TP53BP2: variants seen among roughly 807,000 people sequenced by gnomAD.
TP53BP2 encodes apoptosis-stimulating of p53 protein 2.
In TP53BP2, 62 loss-of-function variants were observed where a neutral mutation model predicts 126.2. The observed-to-expected ratio is 0.49, with a 90% CI of 0.40 to 0.61. The LOEUF (loss-of-function observed/expected upper bound fraction) is 0.61, where lower values mean the gene tolerates loss of function less well. TP53BP2 is among the 20% of genes least tolerant of loss of function. The pLI is 0.00. For missense variants in TP53BP2, 1,215 were observed against 1,402.8 expected (o/e 0.87, Z 2.14); for synonymous variants, 485 against 502.9 (o/e 0.96, Z 0.48).
Position 223,798,531 on chromosome 1 carries a change from CG to C in TP53BP2, c.1631del (p.Pro544ArgfsTer94), listed in dbSNP as rs1186066904. 1 of 1,614,134 alleles carries C rather than the reference CG, an allele frequency of 6.2e-7. No individual in the cohort carries two copies. The highest frequency in any genetic ancestry group is 2.2e-5 in the East Asian group (1 of 44,892). On this transcript the variant is annotated frameshift_variant, in exon 12 of 18. Coordinates refer to ENST00000343537, the MANE Select transcript of TP53BP2 (RefSeq NM_001031685.3). LOFTEE classifies it high-confidence loss of function. ...GSSQQLSTVV[P>X]SMGTKPKPAG... ...CTGGTTTTGGTTTAGTTCCCATGGA[CG>C]GAACAACTGTTGACAACTGCTGAGA...
rs559108642 is a variant in TP53BP2, at chr1:223,780,601, T to C, written c.*252A>G. On this transcript the variant is annotated 3_prime_UTR_variant, in exon 18 of 18. Transcript: ENST00000343537. The stretch of plus-strand genomic sequence containing the variant: ...AAACAGGATTGTCGCTGTATACTTA[T>C]CTGAGTGCTACACGGGACACCTTTG... The C allele has an allele frequency of 8.6e-6, 4 of 466,526 alleles. No individual in the cohort carries two copies. In the South Asian group the frequency reaches 1.3e-4, roughly 15 times the overall value. 28.9% of individuals were successfully genotyped at this position (466,526 alleles called of 1,614,324 possible).
rs925598749 is a variant in TP53BP2 at position 223,789,987 on chromosome 1, TGAAAAAAAAATTTAGACCAG to T, written c.2997-833_2997-814del. Among the ~76,000 whole-genome samples, 12 of 152,078 alleles carry T rather than the reference TGAAAAAAAAATTTAGACCAG, an allele frequency of 7.9e-5. 1 individual carries two copies. The highest frequency in any genetic ancestry group is 1.8e-4 in the Non-Finnish European group (12 of 67,966). ...TTTATTCTCCTTGGGTATACAGACT[TGAAAAAAAAATTTAGACCAG>T]GCGCAGTGGCTCCCAGCACTTTGGG... On this transcript the variant is annotated intron_variant, in intron 15 of 17. Coordinates refer to ENST00000343537, the MANE Select transcript of TP53BP2 (RefSeq NM_001031685.3).
chr1:223,800,094 G>GT (rs756765112), intron 10 of TP53BP2, 47 bp from the exon 11 acceptor site: 1 of 1,528,640 alleles, frequency 6.5e-7, no homozygotes, highest in East Asian at 2.3e-5. Flanking sequence ...TTAGAATAAA[G>GT]TATCTCATTC....
chr1:223,813,556 C>T (rs1662985763), intron 3 of TP53BP2, among the ~76,000 whole-genome samples: 1 of 152,168 alleles, frequency 6.6e-6, no homozygotes, highest in Non-Finnish European at 1.5e-5. Flanking sequence ...TCTCCCCTGT[C>T]CCACTGAACT....
chr1:223,802,352 A>G lies in TP53BP2; in HGVS notation c.997-8T>C, dbSNP rs1019024769. The G allele has an allele frequency of 6.2e-7, 1 of 1,613,122 alleles. No individual in the cohort carries two copies. Among genetic ancestry groups the G allele is most frequent in the African/African-American group, 1.3e-5 (1 of 75,004 alleles). On this transcript the variant is annotated splice_region_variant and splice_polypyrimidine_tract_variant and intron_variant, in intron 8 of 17. Coordinates refer to ENST00000343537, the MANE Select transcript of TP53BP2 (RefSeq NM_001031685.3). ...ATTTCCATCAGATGAAACCTTAGGAAAGAAGCACAGGTCCTTTAGTATTAA... is the reference window on the plus strand; with the variant it reads ...ATTTCCATCAGATGAAACCTTAGGAGAGAAGCACAGGTCCTTTAGTATTAA...
chr1:223,811,928 T>C (rs1332721086), intron 3 of TP53BP2, among the ~76,000 whole-genome samples: 3 of 152,106 alleles, frequency 2.0e-5, no homozygotes, highest in Admixed American at 6.6e-5. Context: ...TGAGAGACTA[T>C]TTAATAATTT....
Position 223,831,490 on chromosome 1 carries a change from T to A in TP53BP2, c.28-10123A>T, listed in dbSNP as rs1466530472. 2.1e-3 allele frequency among the ~76,000 whole-genome samples: 148 copies of A among 69,858 alleles called. 3 individuals carry two copies. The African/African-American group carries it at 0.022, about 10-fold the overall frequency. 45.8% of individuals were successfully genotyped at this position (69,858 alleles called of 152,430 possible). A position where few individuals can be genotyped will look rare whatever the true frequency, so the allele number is the denominator to read the frequency against. The stretch of plus-strand genomic sequence containing the variant: ...CTAAAAAAAAAAAAAAATATATATA[T>A]ATATATATATATATATATATATATA... On this transcript the variant is annotated intron_variant, in intron 1 of 17. Transcript: ENST00000343537.
intron 1 of TP53BP2, among the ~76,000 whole-genome samples, chr1:223,841,649 T>C (rs558469826): frequency 1.3e-4 from 20 of 152,368 alleles, no homozygotes; most frequent in African/African-American, 4.8e-4. Flanking sequence ...TACTGGTCTG[T>C]AGAGCTGCAC....
In TP53BP2 at chr1:223,800,812, T is replaced by C; in HGVS notation, c.1226-2A>G. On this transcript the variant is annotated splice_acceptor_variant, in intron 9 of 17. Coordinates refer to ENST00000343537, the MANE Select transcript of TP53BP2 (RefSeq NM_001031685.3). LOFTEE classifies it high-confidence loss of function. ...GGCCAACTGGATGGATTTTAGAGCC[T>C]AAAATACAGAAAAGCAGCTACAAAT... 6.3e-7 allele frequency: 1 copy of C among 1,592,998 alleles called. No individual in the cohort carries two copies. Among genetic ancestry groups the C allele is most frequent in the Non-Finnish European group, 8.5e-7 (1 of 1,170,542 alleles).
At chr1:223,825,054 C>CACACA (rs1553262580) in intron 1 of TP53BP2, among the ~76,000 whole-genome samples, 2 of 151,108 alleles carry the variant, frequency 1.3e-5, no homozygotes, top group East Asian at 1.9e-4. Flanking sequence ...CACACACACA[C>CACACA]CCTAGCCCAT....
intron 2 of TP53BP2, among the ~76,000 whole-genome samples, chr1:223,817,528 G>C (rs1663130824): frequency 6.6e-6 from 1 of 152,108 alleles, no homozygotes. Flanking sequence ...GTTCCTAAAA[G>C]GATTTTTACT....
rs1422373126 is a variant in TP53BP2 at position 223,780,229 on chromosome 1, T to C, written c.*624A>G. On this transcript the variant is annotated 3_prime_UTR_variant, in exon 18 of 18. Coordinates refer to ENST00000343537, the MANE Select transcript of TP53BP2 (RefSeq NM_001031685.3). The stretch of plus-strand genomic sequence containing the variant: ...ATTAAAATTCAGCCTACAAACAAGA[T>C]TCTACATCTAATTACTGGTACCGTA... The C allele has an allele frequency of 1.3e-5, 2 of 152,214 alleles. No homozygotes were observed. Among genetic ancestry groups the C allele is most frequent in the African/African-American group, 4.8e-5 (2 of 41,456 alleles). 9.4% of individuals were successfully genotyped at this position (152,214 alleles called of 1,614,324 possible).
At chr1:223,825,313 T>A (rs1004475372) in intron 1 of TP53BP2, among the ~76,000 whole-genome samples, 1 of 152,158 alleles carries the variant, frequency 6.6e-6, no homozygotes, top group Non-Finnish European at 1.5e-5. Flanking sequence ...ACAGAGGGAT[T>A]TAAGTAACTC....
At chr1:223,817,306 AAAGGAGGAGGGGGAGGG>A (rs1248781366) in intron 2 of TP53BP2, among the ~76,000 whole-genome samples, 2 of 30,718 alleles carry the variant, frequency 6.5e-5, no homozygotes, top group Non-Finnish European at 1.3e-4. Flanking sequence ...AGGGGGAGGG[AAAGGAGGAGGGGGAGGG>A]AAAGGAGGAG....
intron 1 of TP53BP2, among the ~76,000 whole-genome samples, chr1:223,833,896 A>G (rs1461311783): frequency 6.6e-6 from 1 of 152,202 alleles, no homozygotes; most frequent in African/African-American, 2.4e-5. Context: ...TGGTATATAA[A>G]GCGATATGAT....
intron 17 of TP53BP2, among the ~76,000 whole-genome samples, chr1:223,782,623 T>C (rs1153944): frequency 0.31 from 47,704 of 151,922 alleles, 11,087 homozygotes; most frequent in African/African-American, 0.66. Flanking sequence ...GCTGGGATTA[T>C]AGTATTTTTA....
chr1:223,820,231 G>A (rs1230036599), intron 2 of TP53BP2, among the ~76,000 whole-genome samples: 2 of 152,184 alleles, frequency 1.3e-5, no homozygotes, highest in Non-Finnish European at 2.9e-5. Flanking sequence ...TTTAAAAGCT[G>A]CAGGAAGAAG....
Position 223,781,373 on chromosome 1 carries a change from G to A in TP53BP2, c.3364-479C>T, listed in dbSNP as rs529377013. On this transcript the variant is annotated intron_variant, in intron 17 of 17. Coordinates refer to ENST00000343537, the MANE Select transcript of TP53BP2 (RefSeq NM_001031685.3). ...AGACTGTCAGAAATGAAATGCCACA[G>A]ATTAAAAGTCTATAAATTTAAGGAA... 5.3e-5 allele frequency among the ~76,000 whole-genome samples: 8 copies of A among 152,328 alleles called. No individual in the cohort carries two copies. The South Asian group carries it at 1.7e-3, about 32-fold the overall frequency.
At position 223,780,755 on chromosome 1, in the gene TP53BP2, A is replaced by G; in HGVS notation, c.*98T>C. On this transcript the variant is annotated 3_prime_UTR_variant, in exon 18 of 18. Coordinates refer to ENST00000343537, the MANE Select transcript of TP53BP2 (RefSeq NM_001031685.3). ...TTCATCGCTTTCAAGCTACATTGTCATTAAAATAAGTCTTGTGAAATTTTT... is the reference window on the plus strand; with the variant it reads ...TTCATCGCTTTCAAGCTACATTGTCGTTAAAATAAGTCTTGTGAAATTTTT... 8.5e-7 allele frequency: 1 copy of G among 1,174,806 alleles called. No homozygotes were observed. Among genetic ancestry groups the G allele is most frequent in the Non-Finnish European group, 1.2e-6 (1 of 805,364 alleles). The allele number at this position is 1,174,806 out of a possible 1,614,324, so 72.8% of individuals were successfully genotyped here. A position where few individuals can be genotyped will look rare whatever the true frequency, so the allele number is the denominator to read the frequency against.
Sources: gnomAD v4.1 joint callset for allele counts (sites outside exome capture counted in the v4.1 genomes callset) on GRCh38, gnomAD v4.1.1 for gene constraint, MANE v1.5 for transcripts, NCBI Gene and HGNC (gene_info 2026-07-23, HGNC 2026-07-21) for gene names.